The following TM2D1 variants were observed in gnomAD, a reference collection of about 807,000 sequenced individuals.
The protein encoded by TM2D1 is TM2 domain containing 1, also known as TM2 domain-containing protein 1.
In TM2D1, 15 loss-of-function variants were observed where a neutral mutation model predicts 28.4. The ratio of observed to expected loss-of-function variants is 0.53; its 90% confidence interval spans 0.35 to 0.81. The LOEUF (loss-of-function observed/expected upper bound fraction) is 0.81, where lower values mean the gene tolerates loss of function less well. Ranked by LOEUF, TM2D1 falls within the 40% of genes least tolerant of loss-of-function variation. The pLI is 0.01. For missense variants in TM2D1, 236 were observed against 254.9 expected, an observed-to-expected ratio of 0.93 and a Z score of 0.50; for synonymous variants, 93 against 96.2, an observed-to-expected ratio of 0.97 and a Z score of 0.20.
At chr1:61,691,933 ATAT>A (rs1471057646) in intron 5 of TM2D1, among the ~76,000 whole-genome samples, 1,096 of 82,942 alleles carry the variant, frequency 0.013, 46 homozygotes, top group Middle Eastern at 0.045. Flanking sequence ...AAAAAAAAAA[ATAT>A]ATATATATAT....
chr1:61,709,581 G>A (rs1644463318), intron 2 of TM2D1, 144 bp from the exon 3 acceptor site: 1 of 615,646 alleles, frequency 1.6e-6, no homozygotes, highest in East Asian at 3.1e-5. Flanking sequence ...TGGGAAAAGT[G>A]ACACTACGTA....
chr1:61,688,721 C>A (rs1223071815), intron 5 of TM2D1, among the ~76,000 whole-genome samples: 2 of 116,798 alleles, frequency 1.7e-5, no homozygotes, highest in Admixed American at 8.9e-5. Flanking sequence ...AGACTCTGTC[C>A]CCCCACCGCC....
chr1:61,684,169 C>T lies in TM2D1; in HGVS notation c.514-623G>A, dbSNP rs115331237. Among the ~76,000 whole-genome samples, 211 of 152,306 alleles carry T rather than the reference C, an allele frequency of 1.4e-3. 1 individual carries two copies. The highest frequency in any genetic ancestry group is 2.7e-3 in the Non-Finnish European group (182 of 68,030). On this transcript the variant is annotated intron_variant, in intron 5 of 6. Coordinates refer to ENST00000606498, the MANE Select transcript of TM2D1 (RefSeq NM_032027.3). ...TACAATCATCTTGTCCACTTAATCA[C>T]ATATGTGACAATCTAGTTAACATAA...
Position 61,681,302 on chromosome 1 carries a change from T to C in TM2D1, c.*68A>G, listed in dbSNP as rs1170841918. The C allele has an allele frequency of 6.6e-6, 1 of 152,370 alleles. No homozygotes were observed. The highest frequency in any genetic ancestry group is 1.5e-5 in the Non-Finnish European group (1 of 68,024). The allele number at this position is 152,370 out of a possible 1,614,324, so 9.4% of individuals were successfully genotyped here. On this transcript the variant is annotated 3_prime_UTR_variant, in exon 7 of 7. Transcript: ENST00000606498. ...TATATGAATGAAAAAGAGAAATCTT[T>C]AAATCCATACACTAGAAGTTCTCTA... is the stretch of plus-strand genomic sequence containing the variant.
At chr1:61,712,216 A>C (rs1644483871) in intron 2 of TM2D1, among the ~76,000 whole-genome samples, 1 of 152,156 alleles carries the variant, frequency 6.6e-6, no homozygotes, top group Non-Finnish European at 1.5e-5. Flanking sequence ...CACAACAATG[A>C]ATTACCCAGT....
chr1:61,694,848 C>G lies in TM2D1; in HGVS notation c.440-78G>C, dbSNP rs138357464. On this transcript the variant is annotated intron_variant, in intron 4 of 6. Transcript: ENST00000606498. ...CAAACTGCTCCATTTTCCAATAAACCATTATTATATATATATATCACACTC... is the reference window on the plus strand; with the variant it reads ...CAAACTGCTCCATTTTCCAATAAACGATTATTATATATATATATCACACTC... 1.9e-4 allele frequency: 151 copies of G among 788,232 alleles called. No homozygotes were observed. In the African/African-American group the frequency reaches 2.2e-3, roughly 11 times the overall value. 48.8% of individuals were successfully genotyped at this position (788,232 alleles called of 1,614,324 possible).
chr1:61,708,466 G>A (rs893437521), intron 3 of TM2D1, among the ~76,000 whole-genome samples: 4 of 152,180 alleles, frequency 2.6e-5, no homozygotes, highest in African/African-American at 9.7e-5. Flanking sequence ...ATGCTGCCCA[G>A]GCTAAACGTG....
At chr1:61,721,785 ATAGT>A (rs1484476050) in intron 2 of TM2D1, among the ~76,000 whole-genome samples, 3 of 151,806 alleles carry the variant, frequency 2.0e-5, no homozygotes, top group African/African-American at 4.8e-5. Flanking sequence ...TTGATTCACC[ATAGT>A]TAGTCCATGA....
At chr1:61,692,328 C>T (rs1017028016) in intron 5 of TM2D1, among the ~76,000 whole-genome samples, 1 of 151,916 alleles carries the variant, frequency 6.6e-6, no homozygotes, top group African/African-American at 2.4e-5. Context: ...TATAACTAGA[C>T]TACAGTATGT....
chr1:61,696,702 C>A lies in TM2D1; in HGVS notation c.440-1932G>T, dbSNP rs561838224. Among the ~76,000 whole-genome samples the A allele has an allele frequency of 7.6e-4, 116 of 152,040 alleles. 1 individual carries two copies. The highest frequency in any genetic ancestry group is 1.5e-3 in the Non-Finnish European group (102 of 67,994). On this transcript the variant is annotated intron_variant, in intron 4 of 6. Coordinates refer to ENST00000606498, the MANE Select transcript of TM2D1 (RefSeq NM_032027.3). The stretch of plus-strand genomic sequence containing the variant: ...TCCAAGGATGTTCTTCCTTTTAGAC[C>A]ACTTCTTTAGAGAAGTCTTCCCTAA...
chr1:61,715,464 A>T (rs1187255272), intron 2 of TM2D1, among the ~76,000 whole-genome samples: 1 of 151,782 alleles, frequency 6.6e-6, no homozygotes, highest in East Asian at 2.0e-4. Context: ...CCTGGCCAAC[A>T]TGGTAAAACC....
intron 5 of TM2D1, among the ~76,000 whole-genome samples, chr1:61,689,596 T>C (rs1151760): frequency 0.94 from 142,847 of 152,250 alleles, 67,075 homozygotes; most frequent in South Asian, 0.97. Context: ...TGGTCTCAAA[T>C]TCCTGAGCTC....
intron 3 of TM2D1, among the ~76,000 whole-genome samples, chr1:61,707,126 G>A (rs1270986577): frequency 6.6e-6 from 1 of 151,768 alleles, no homozygotes; most frequent in Non-Finnish European, 1.5e-5. Context: ...TTTGGGGCAT[G>A]CACCTCTAGT....
chr1:61,682,907 A>G (rs955746526), intron 6 of TM2D1, among the ~76,000 whole-genome samples: 13 of 151,780 alleles, frequency 8.6e-5, no homozygotes, highest in African/African-American at 2.2e-4. Context: ...AAAAAAAAAA[A>G]AAAGAAAAAG....
intron 2 of TM2D1, among the ~76,000 whole-genome samples, chr1:61,714,466 G>A (rs932111104): frequency 1.3e-5 from 2 of 152,002 alleles, no homozygotes; most frequent in African/African-American, 2.4e-5. Flanking sequence ...GCTTGGACCC[G>A]GGAAGCGGAG....
intron 2 of TM2D1, among the ~76,000 whole-genome samples, chr1:61,712,870 A>G (rs1435714558): frequency 5.9e-4 from 90 of 152,336 alleles, no homozygotes; most frequent in Non-Finnish European, 8.8e-5. Flanking sequence ...AATTTTAGGA[A>G]AGAGTGCACA....
chr1:61,707,236 C>G (rs1460005596), intron 3 of TM2D1, among the ~76,000 whole-genome samples: 1 of 152,166 alleles, frequency 6.6e-6, no homozygotes, highest in East Asian at 1.9e-4. Context: ...GCCTGGGCTA[C>G]AGAGGAAGAC....
chr1:61,716,734 A>G (rs1415366271), intron 2 of TM2D1, among the ~76,000 whole-genome samples: 3 of 151,766 alleles, frequency 2.0e-5, no homozygotes, highest in African/African-American at 7.2e-5. Context: ...TATGAAATTA[A>G]TCAATTCAAA....
Position 61,708,454 on chromosome 1 carries a change from C to T in TM2D1, c.347+875G>A, listed in dbSNP as rs186847748. 3.9e-5 allele frequency among the ~76,000 whole-genome samples: 6 copies of T among 152,342 alleles called. No individual in the cohort carries two copies. In the East Asian group the frequency reaches 9.6e-4, roughly 24 times the overall value. ...TGTTTTTATAAAAGACAGTGTCTCA[C>T]TATGCTGCCCAGGCTAAACGTGAAC... On this transcript the variant is annotated intron_variant, in intron 3 of 6. Coordinates refer to ENST00000606498, the MANE Select transcript of TM2D1 (RefSeq NM_032027.3).
Sources: gnomAD v4.1 joint callset for allele counts (sites outside exome capture counted in the v4.1 genomes callset) on GRCh38, gnomAD v4.1.1 for gene constraint, MANE v1.5 for transcripts, NCBI Gene and HGNC (gene_info 2026-07-23, HGNC 2026-07-21) for gene names.